The following JHY variants were observed in gnomAD, a reference collection of about 807,000 sequenced individuals.
JHY encodes jhy protein homolog.
A neutral mutation model predicts 78.0 loss-of-function variants in JHY; 69 were observed. That is an observed-to-expected ratio of 0.88 (90% CI 0.73 to 1.08). The LOEUF is 1.08. JHY is among the 50% of genes least tolerant of loss of function. The pLI is 0.00. For missense variants in JHY, 944 were observed against 927.8 expected (o/e 1.02, Z -0.23); for synonymous variants, 368 against 342.6 (o/e 1.07, Z -0.82).
rs773572521 is a variant in JHY at position 122,886,036 on chromosome 11, C to G, written c.187C>G (p.Arg63Gly). 1 of 1,614,046 alleles carries G rather than the reference C, an allele frequency of 6.2e-7. No individual in the cohort carries two copies. ...TATGTGCCATTCTGAGTTTGATGAT[C>G]GAATCCGGGGCAACGGTATGGAGCC... ...EIMCHSEFDD[R>G]IRGNGMEPDS... Residue 63 changes from arginine (R) to glycine (G), a missense_variant, in exon 2 of 9, where the codon CGA becomes GGA. Arg to Gly is a moderately radical substitution (Grantham distance 125, BLOSUM62 -2). Coordinates refer to ENST00000227349, the MANE Select transcript of JHY (RefSeq NM_024806.4).
intron 5 of JHY, among the ~76,000 whole-genome samples, chr11:122,936,760 C>A (rs981902354): frequency 3.9e-5 from 6 of 152,134 alleles, no homozygotes; most frequent in Admixed American, 3.9e-4. Context: ...TGTGTTAACA[C>A]TTTGTTTAAG....
In JHY at chr11:122,963,044, G is replaced by GT. The variant is rs67096121; in HGVS notation, c.*3605dup. On this transcript the variant is annotated 3_prime_UTR_variant, in exon 9 of 9. Transcript: ENST00000227349. The stretch of plus-strand genomic sequence containing the variant: ...AATATGCATTACTATGTACCTAATA[G>GT]TTTTTTAGCATGTACAATCTGCCAA... Among the ~76,000 whole-genome samples, 71,446 of 151,924 alleles carry GT rather than the reference G, an allele frequency of 0.47. 17,754 individuals are homozygous for GT. The highest frequency in any genetic ancestry group is 0.56 in the Non-Finnish European group (38,185 of 67,920).
rs1863160865 is a variant in JHY, at chr11:122,912,838, T to TATATC, written c.864+8399_864+8403dup. Among the ~76,000 whole-genome samples the TATATC allele has an allele frequency of 2.6e-5, 4 of 152,036 alleles. No homozygotes were observed. The South Asian group carries it at 8.3e-4, about 31-fold the overall frequency. On this transcript the variant is annotated intron_variant, in intron 3 of 8. Transcript: ENST00000227349. ...AGGAAGCAAACAAGGAATATAAATA[T>TATATC]ATATCATATATATATATTTCTGCTT...
At chr11:122,956,449 G>C (rs558006330) in intron 6 of JHY, 47 bp from the exon 7 acceptor site, 2 of 1,562,182 alleles carry the variant, frequency 1.3e-6, no homozygotes, top group South Asian at 2.3e-5. Flanking sequence ...GGAGTCGGGG[G>C]ACACACAAGT....
At chr11:122,948,734 G>A (rs556552507) in intron 6 of JHY, among the ~76,000 whole-genome samples, 1 of 152,114 alleles carries the variant, frequency 6.6e-6, no homozygotes, top group Non-Finnish European at 1.5e-5. Flanking sequence ...GTCAGGCAAG[G>A]CTTCAGAAGA....
intron 2 of JHY, among the ~76,000 whole-genome samples, chr11:122,892,981 C>T (rs1862657361): frequency 6.6e-6 from 1 of 152,148 alleles, no homozygotes; most frequent in Non-Finnish European, 1.5e-5. Context: ...TGAGAACATT[C>T]TAGGAGCTTT....
At chr11:122,949,840 C>CT (rs11402032) in intron 6 of JHY, among the ~76,000 whole-genome samples, 62,819 of 142,390 alleles carry the variant, frequency 0.44, 13,980 homozygotes, top group African/African-American at 0.49. Flanking sequence ...TCTTTCTTTT[C>CT]TTTTTTTTTT....
At chr11:122,927,327 T>C (rs1407946638) in intron 4 of JHY, among the ~76,000 whole-genome samples, 1 of 152,210 alleles carries the variant, frequency 6.6e-6, no homozygotes, top group Non-Finnish European at 1.5e-5. Flanking sequence ...ATTAATGCTC[T>C]TATAACCCAT....
intron 2 of JHY, among the ~76,000 whole-genome samples, chr11:122,897,986 G>A (rs115167155): frequency 0.01 from 1,591 of 152,278 alleles, 30 homozygotes; most frequent in African/African-American, 0.036. Context: ...TGGACTTTGT[G>A]ATATCATCTA....
In JHY at chr11:122,963,515, C is replaced by A. The variant is rs759246686; in HGVS notation, c.*4070C>A. Among the ~76,000 whole-genome samples, 2 of 152,158 alleles carry A rather than the reference C, an allele frequency of 1.3e-5. No homozygotes were observed. The highest frequency in any genetic ancestry group is 2.9e-5 in the Non-Finnish European group (2 of 68,010). On this transcript the variant is annotated 3_prime_UTR_variant, in exon 9 of 9. Transcript: ENST00000227349. ...CACGTCATCTCACAATAGTGAAATACAGCAGAATGTCACTAAACTACCATA... is the reference window on the plus strand; with the variant it reads ...CACGTCATCTCACAATAGTGAAATAAAGCAGAATGTCACTAAACTACCATA...
intron 6 of JHY, among the ~76,000 whole-genome samples, chr11:122,947,917 C>T (rs1365496297): frequency 6.6e-6 from 1 of 152,112 alleles, no homozygotes; most frequent in East Asian, 1.9e-4. Flanking sequence ...TTTGTTCTCC[C>T]ATACCAACCT....
intron 5 of JHY, among the ~76,000 whole-genome samples, chr11:122,938,646 C>T (rs1365776599): frequency 1.3e-5 from 2 of 152,140 alleles, no homozygotes; most frequent in African/African-American, 4.8e-5. Flanking sequence ...CTGCCTTCCA[C>T]CTTAGGGCTT....
In JHY at chr11:122,962,487, A is replaced by T. The variant is rs148189192; in HGVS notation, c.*3042A>T. 3.9e-5 allele frequency among the ~76,000 whole-genome samples: 6 copies of T among 152,360 alleles called. No individual in the cohort carries two copies. Among genetic ancestry groups the T allele is most frequent in the African/African-American group, 1.4e-4 (6 of 41,592 alleles). On this transcript the variant is annotated 3_prime_UTR_variant, in exon 9 of 9. Coordinates refer to ENST00000227349, the MANE Select transcript of JHY (RefSeq NM_024806.4). ...TTCAGTGGGATTTGGAAAATGTAAT[A>T]TATGAGGCATTAGACAGGAAAATCA...
intron 6 of JHY, among the ~76,000 whole-genome samples, chr11:122,954,537 A>G (rs1864152747): frequency 6.6e-6 from 1 of 152,234 alleles, no homozygotes; most frequent in Non-Finnish European, 1.5e-5. Flanking sequence ...ATATGAGAAA[A>G]TGTCCTATTT....
chr11:122,942,959 C>G (rs896776824), intron 5 of JHY, among the ~76,000 whole-genome samples: 32 of 152,192 alleles, frequency 2.1e-4, no homozygotes, highest in African/African-American at 7.7e-4. Flanking sequence ...ACTGCAGTCT[C>G]CAACTCCTGA....
In JHY at chr11:122,924,994, G is replaced by T; in HGVS notation, c.962G>T (p.Arg321Ile). Reference protein sequence around the residue: ...AIDPEDKWHQRAQQLKNYQEH... With the variant: ...AIDPEDKWHQIAQQLKNYQEH... The stretch of plus-strand genomic sequence containing the variant: ...GATCCTGAAGATAAATGGCATCAAA[G>T]AGCACAACAGCTAAAGGTTACCTGC... The change falls in exon 4 of 9, where the codon AGA (arginine) becomes ATA (isoleucine). Residue 321 changes from arginine to isoleucine, a missense_variant. Transcript: ENST00000227349. The T allele has an allele frequency of 1.2e-6, 2 of 1,613,154 alleles. No homozygotes were observed. The highest frequency in any genetic ancestry group is 2.2e-5 in the South Asian group (2 of 91,032).
intron 3 of JHY, among the ~76,000 whole-genome samples, chr11:122,916,475 T>C (rs1863236706): frequency 6.6e-6 from 1 of 152,196 alleles, no homozygotes; most frequent in African/African-American, 2.4e-5. Context: ...CAGATTCTAT[T>C]GGTTAGAGTT....
intron 3 of JHY, among the ~76,000 whole-genome samples, chr11:122,911,781 T>G (rs1844827334): frequency 6.6e-6 from 1 of 151,652 alleles, no homozygotes; most frequent in Admixed American, 6.6e-5. Context: ...GGTGCATGAC[T>G]GTCATCCCAG....
At chr11:122,952,784 CA>C (rs756173705) in intron 6 of JHY, among the ~76,000 whole-genome samples, 7 of 152,192 alleles carry the variant, frequency 4.6e-5, no homozygotes, top group Non-Finnish European at 8.8e-5. Context: ...CATCTTTGGA[CA>C]AATTGGATTT....
Sources: gnomAD v4.1 joint callset for allele counts (sites outside exome capture counted in the v4.1 genomes callset) on GRCh38, gnomAD v4.1.1 for gene constraint, MANE v1.5 for transcripts, NCBI Gene and HGNC (gene_info 2026-07-23, HGNC 2026-07-21) for gene names.